Variants in INPP4A observed in about 807,000 individuals in gnomAD.
The protein encoded by INPP4A is inositol polyphosphate-4-phosphatase, type I, 107kD.
In INPP4A, 33 loss-of-function variants were observed where a neutral mutation model predicts 119.8. That is an observed-to-expected ratio of 0.28 (90% CI 0.21 to 0.37). INPP4A has a LOEUF of 0.37. Ranked by LOEUF, INPP4A falls within the 10% of genes least tolerant of loss-of-function variation. INPP4A has a pLI of 1.00. For synonymous variants in INPP4A, 496 were observed against 500.7 expected (o/e 0.99, Z 0.12); for missense variants, 956 against 1,289.9 (o/e 0.74, Z 3.97).
chr2:98,449,125 T>G (rs1161992432), intron 1 of INPP4A, among the ~76,000 whole-genome samples: 1 of 152,210 alleles, frequency 6.6e-6, no homozygotes, highest in Non-Finnish European at 1.5e-5. Context: ...AAAGTTACCA[T>G]TTTTCCCTTT....
At chr2:98,477,927 G>A (rs1677593019) in intron 1 of INPP4A, among the ~76,000 whole-genome samples, 1 of 152,212 alleles carries the variant, frequency 6.6e-6, no homozygotes, top group Admixed American at 6.5e-5. Context: ...CAGCAGCCGT[G>A]CTAGCTCTTG....
intron 1 of INPP4A, among the ~76,000 whole-genome samples, chr2:98,510,500 G>C (rs1295451660): frequency 6.6e-6 from 1 of 152,208 alleles, no homozygotes; most frequent in African/African-American, 2.4e-5. Context: ...TCTTAGACCT[G>C]TGGATGTTGG....
chr2:98,539,440 C>A, intron 9 of INPP4A, 88 bp from the exon 10 acceptor site: 1 of 1,425,282 alleles, frequency 7.0e-7, no homozygotes, highest in South Asian at 1.3e-5. Flanking sequence ...GAGGTGTCAC[C>A]ATCCCTGAGG....
At chr2:98,504,304 C>T (rs1428143268) in intron 1 of INPP4A, among the ~76,000 whole-genome samples, 1 of 152,176 alleles carries the variant, frequency 6.6e-6, no homozygotes, top group Admixed American at 6.5e-5. Context: ...GACTGAAGTC[C>T]TTTTGTGTCT....
In INPP4A at chr2:98,587,741, A is replaced by G. The variant is rs1285092541; in HGVS notation, c.*133A>G. On this transcript the variant is annotated 3_prime_UTR_variant, in exon 25 of 25. Transcript: ENST00000409851. ...GTTTTTTTAAAAAAAACATTTCACT[A>G]AAGAGTCTCTGGAGCATGTTTTTTG... The G allele has an allele frequency of 1.1e-5, 8 of 753,512 alleles. No individual in the cohort carries two copies. The highest frequency in any genetic ancestry group is 9.2e-5 in the African/African-American group (5 of 54,342). The allele number at this position is 753,512 out of a possible 1,614,324, so 46.7% of individuals were successfully genotyped here. A position where few individuals can be genotyped will look rare whatever the true frequency, so the allele number is the denominator to read the frequency against.
intron 1 of INPP4A, among the ~76,000 whole-genome samples, chr2:98,470,729 G>A (rs1455068187): frequency 2.0e-5 from 3 of 151,784 alleles, no homozygotes; most frequent in African/African-American, 4.8e-5. Flanking sequence ...GTGCAGTGGC[G>A]CGACCTCGGC....
intron 1 of INPP4A, among the ~76,000 whole-genome samples, chr2:98,461,196 C>G (rs917627709): frequency 6.6e-6 from 1 of 152,166 alleles, no homozygotes; most frequent in African/African-American, 2.4e-5. Context: ...TTCTGCCACA[C>G]CACCCTCCAT....
At chr2:98,502,466 G>C (rs1313444215) in intron 1 of INPP4A, among the ~76,000 whole-genome samples, 2 of 152,104 alleles carry the variant, frequency 1.3e-5, no homozygotes, top group African/African-American at 4.8e-5. Context: ...AGCACACATA[G>C]AGATTTTAAT....
At chr2:98,444,597 A>G (rs1363498730), upstream of INPP4A, among the ~76,000 whole-genome samples, 1 of 152,160 alleles carries the variant, frequency 6.6e-6, no homozygotes. Context: ...GCCTCAGTGG[A>G]TGACAGGGTG....
chr2:98,497,751 C>T (rs185012235), intron 1 of INPP4A, among the ~76,000 whole-genome samples: 1 of 152,200 alleles, frequency 6.6e-6, no homozygotes, highest in African/African-American at 2.4e-5. Context: ...CGCAACTGCC[C>T]AAGGCTGTGG....
rs761541325 is a variant in INPP4A at position 98,530,992 on chromosome 2, CTTG to C, written c.152-2380_152-2378del. The stretch of plus-strand genomic sequence containing the variant: ...TTCCTGGTTTGCAGATGGACGTCGT[CTTG>C]TTGTGTTCTCACATGGCAGAGAGCA... On this transcript the variant is annotated intron_variant, in intron 4 of 24. Coordinates refer to ENST00000409851, the MANE Select transcript of INPP4A (RefSeq NM_001134225.2). 1.7e-3 allele frequency among the ~76,000 whole-genome samples: 257 copies of C among 152,218 alleles called. 2 individuals carry two copies. The highest frequency in any genetic ancestry group is 1.2e-3 in the Non-Finnish European group (84 of 68,040).
At chr2:98,457,954 C>T (rs1208289062) in intron 1 of INPP4A, among the ~76,000 whole-genome samples, 1 of 150,708 alleles carries the variant, frequency 6.6e-6, no homozygotes, top group Non-Finnish European at 1.5e-5. Context: ...GCATATGCCA[C>T]TGTGCCCAGC....
intron 14 of INPP4A, 105 bp downstream of exon 14, chr2:98,553,074 A>C: frequency 1.1e-6 from 1 of 891,464 alleles, no homozygotes. Context: ...AGAGCGTGAC[A>C]TTGGGATGAC....
At chr2:98,520,838 C>T in intron 4 of INPP4A, 107 bp downstream of exon 4, 1 of 631,380 alleles carries the variant, frequency 1.6e-6, no homozygotes, top group Non-Finnish European at 2.7e-6. Context: ...CTTGCTGCTG[C>T]TGCCACCACT....
rs1189571254 is a variant in INPP4A, at chr2:98,568,564, T to C, written c.2421-7T>C. On this transcript the variant is annotated splice_region_variant and splice_polypyrimidine_tract_variant and intron_variant, in intron 21 of 24. Coordinates refer to ENST00000409851, the MANE Select transcript of INPP4A (RefSeq NM_001134225.2). Reference sequence around the variant, plus strand: ...CCAACTAATGGCATCCCCTATAACCTCCCAAGGTTTGGCGATACGTCTTTA... The same window carrying C: ...CCAACTAATGGCATCCCCTATAACCCCCCAAGGTTTGGCGATACGTCTTTA... 6.5e-7 allele frequency: 1 copy of C among 1,544,144 alleles called. No homozygotes were observed. The highest frequency in any genetic ancestry group is 1.8e-5 in the Admixed American group (1 of 55,344).
intron 13 of INPP4A, chr2:98,552,554 C>G: frequency 1.5e-6 from 1 of 659,218 alleles, no homozygotes; most frequent in Admixed American, 2.0e-5. Flanking sequence ...CAGATACATG[C>G]AAATACAGAT....
chr2:98,480,230 A>T (rs922590475), intron 1 of INPP4A, among the ~76,000 whole-genome samples: 3 of 152,096 alleles, frequency 2.0e-5, no homozygotes, highest in Non-Finnish European at 1.5e-5. Flanking sequence ...CCTGGTTCTG[A>T]CTGTCTTGGG....
rs1422467286 is a variant in INPP4A, at chr2:98,569,156, A to C, written c.2518+488A>C. ...ACAGTAATCTCTCTGCGTGTCCTGCAGTGAAGATGCTGCAGCTAGGGCTCT... is the reference window on the plus strand; with the variant it reads ...ACAGTAATCTCTCTGCGTGTCCTGCCGTGAAGATGCTGCAGCTAGGGCTCT... On this transcript the variant is annotated intron_variant, in intron 22 of 24. Coordinates refer to ENST00000409851, the MANE Select transcript of INPP4A (RefSeq NM_001134225.2). The surrounding 1 kb of genome is among the most constrained non-coding windows in gnomAD (Gnocchi z 5.1). 1.2e-5 allele frequency: 2 copies of C among 160,776 alleles called. No homozygotes were observed. The highest frequency in any genetic ancestry group is 2.7e-5 in the Non-Finnish European group (2 of 73,046). 10.0% of individuals were successfully genotyped at this position (160,776 alleles called of 1,614,324 possible). A position where few individuals can be genotyped will look rare whatever the true frequency, so the allele number is the denominator to read the frequency against.
intron 13 of INPP4A, 72 bp from the exon 14 acceptor site, chr2:98,552,713 TG>T: frequency 8.3e-7 from 1 of 1,203,180 alleles, no homozygotes; most frequent in Non-Finnish European, 1.2e-6. Context: ...CAATTGTGGC[TG>T]GGGTTGGAAT....
Sources: allele counts gnomAD v4.1 joint callset (sites outside exome capture counted in the v4.1 genomes callset), GRCh38; gene constraint gnomAD v4.1.1; non-coding constraint Gnocchi (gnomAD v3.1); transcripts MANE v1.5; gene names NCBI Gene and HGNC (gene_info 2026-07-23, HGNC 2026-07-21).